The following CNTN5 variants were observed in gnomAD, a reference collection of about 807,000 sequenced individuals.
CNTN5 encodes the protein contactin 5, also known as contactin-5.
A neutral mutation model predicts 129.1 loss-of-function variants in CNTN5; 77 were observed. The ratio of observed to expected loss-of-function variants is 0.60; its 90% CI spans 0.50 to 0.72. The LOEUF (loss-of-function observed/expected upper bound fraction) is 0.72. Among genes scored for constraint, CNTN5 ranks in the 30% least tolerant of loss-of-function variants. CNTN5 has a pLI of 0.00. For missense variants in CNTN5, 1,478 were observed against 1,328.8 expected, an observed-to-expected ratio of 1.11 and a Z score of -1.75; for synonymous variants, 509 against 465.6, an observed-to-expected ratio of 1.09 and a Z score of -1.20.
chr11:99,167,992 G>C (rs562811553), intron 1 of CNTN5, among the ~76,000 whole-genome samples: 28 of 151,450 alleles, frequency 1.8e-4, no homozygotes, highest in African/African-American at 6.6e-4. Flanking sequence ...CTGGAGTGCA[G>C]TGATGTGATC....
intron 3 of CNTN5, among the ~76,000 whole-genome samples, chr11:99,645,487 GA>G (rs1452370747): frequency 1.3e-5 from 2 of 151,526 alleles, no homozygotes; most frequent in Non-Finnish European, 3.0e-5. Context: ...CTACTATAAA[GA>G]CATATGTACA....
chr11:99,495,088 T>A (rs367909744), intron 2 of CNTN5, among the ~76,000 whole-genome samples: 1 of 152,112 alleles, frequency 6.6e-6, no homozygotes, highest in Non-Finnish European at 1.5e-5. Flanking sequence ...AAATCACCCC[T>A]GCTGGGCGTG....
intron 3 of CNTN5, among the ~76,000 whole-genome samples, chr11:99,817,271 C>CT (rs1946618127): frequency 6.6e-6 from 1 of 152,138 alleles, no homozygotes; most frequent in African/African-American, 2.4e-5. Context: ...AACAGCTTTG[C>CT]GTTCACATTA....
chr11:100,320,491 T>C (rs1312862519), intron 21 of CNTN5, among the ~76,000 whole-genome samples: 1 of 152,092 alleles, frequency 6.6e-6, no homozygotes, highest in Non-Finnish European at 1.5e-5. Flanking sequence ...TTCTGTAGGA[T>C]TTTTTTTCAC....
chr11:99,554,784 G>A (rs549981181), intron 2 of CNTN5, among the ~76,000 whole-genome samples: 2 of 152,146 alleles, frequency 1.3e-5, no homozygotes, highest in Non-Finnish European at 2.9e-5. Flanking sequence ...TATTATGTGT[G>A]ATATGTGGAT....
At chr11:99,975,311 C>T (rs980030200) in intron 8 of CNTN5, among the ~76,000 whole-genome samples, 1 of 152,116 alleles carries the variant, frequency 6.6e-6, no homozygotes, top group African/African-American at 2.4e-5. Context: ...GACTGCCTGG[C>T]TCGTTTTCGG....
At chr11:100,053,044 G>A (rs930205775) in intron 9 of CNTN5, among the ~76,000 whole-genome samples, 2 of 151,560 alleles carry the variant, frequency 1.3e-5, no homozygotes, top group Non-Finnish European at 3.0e-5. Context: ...ACCATAAACA[G>A]CAAATAAACT....
chr11:100,075,326 G>T (rs1338437511), intron 13 of CNTN5, among the ~76,000 whole-genome samples: 1 of 152,086 alleles, frequency 6.6e-6, no homozygotes, highest in East Asian at 1.9e-4. Flanking sequence ...CTTGGAAAGG[G>T]TGATCACCTG....
chr11:100,344,811 G>A (rs1952243762), intron 23 of CNTN5, among the ~76,000 whole-genome samples: 1 of 151,796 alleles, frequency 6.6e-6, no homozygotes, highest in Non-Finnish European at 1.5e-5. Flanking sequence ...TGATATAAAG[G>A]AATAATACAT....
intron 1 of CNTN5, among the ~76,000 whole-genome samples, chr11:99,303,070 A>T (rs771391448): frequency 6.6e-6 from 1 of 151,822 alleles, no homozygotes; most frequent in Non-Finnish European, 1.5e-5. Context: ...ATAAATAACT[A>T]GTCATTATTC....
At chr11:99,672,926 T>G (rs895560573) in intron 3 of CNTN5, among the ~76,000 whole-genome samples, 1 of 152,008 alleles carries the variant, frequency 6.6e-6, no homozygotes, top group Non-Finnish European at 1.5e-5. Context: ...TTGTAGTCTT[T>G]CATAGGTACC....
chr11:100,290,994 A>G (rs1216441244), intron 18 of CNTN5, among the ~76,000 whole-genome samples: 2 of 150,732 alleles, frequency 1.3e-5, no homozygotes, highest in African/African-American at 2.4e-5. Flanking sequence ...GCAGCCAAAA[A>G]ACACATGAAA....
chr11:100,030,833 A>G (rs574218467), intron 9 of CNTN5, among the ~76,000 whole-genome samples: 1 of 152,342 alleles, frequency 6.6e-6, no homozygotes, highest in Non-Finnish European at 1.5e-5. Flanking sequence ...TTAAAGCTCA[A>G]TGTTAAAGCT....
At chr11:100,033,912 C>A (rs1233517911) in intron 9 of CNTN5, among the ~76,000 whole-genome samples, 1 of 152,158 alleles carries the variant, frequency 6.6e-6, no homozygotes, top group Admixed American at 6.5e-5. Flanking sequence ...AACTTCAGAT[C>A]TATAAACTTC....
chr11:99,941,540 A>T (rs535166058), intron 7 of CNTN5, among the ~76,000 whole-genome samples: 14 of 133,416 alleles, frequency 1.0e-4, no homozygotes, highest in Non-Finnish European at 1.7e-4. Flanking sequence ...GCCACGCAAG[A>T]GATAAGTAAT....
chr11:99,887,542 A>G (rs1369862395), intron 6 of CNTN5, among the ~76,000 whole-genome samples: 3 of 151,598 alleles, frequency 2.0e-5, no homozygotes, highest in African/African-American at 4.9e-5. Flanking sequence ...GTATTGACTC[A>G]CACAATCACA....
intron 15 of CNTN5, among the ~76,000 whole-genome samples, chr11:100,214,708 C>G (rs185892192): frequency 6.6e-6 from 1 of 152,118 alleles, no homozygotes. Flanking sequence ...CACCTAACCC[C>G]GAAGCCAACG....
At chr11:100,251,345 T>C (rs546347717) in intron 16 of CNTN5, among the ~76,000 whole-genome samples, 25 of 152,284 alleles carry the variant, frequency 1.6e-4, no homozygotes, top group Admixed American at 7.2e-4. Flanking sequence ...ATAGTGATGC[T>C]TTGGTACATA....
intron 1 of CNTN5, among the ~76,000 whole-genome samples, chr11:99,032,620 T>G (rs1863454580): frequency 1.3e-5 from 2 of 152,118 alleles, no homozygotes; most frequent in South Asian, 4.1e-4. Context: ...GGTTGTTTGT[T>G]TTTTTCTTGT....
Sources: gnomAD v4.1 joint callset for allele counts (sites outside exome capture counted in the v4.1 genomes callset) on GRCh38, gnomAD v4.1.1 for gene constraint, MANE v1.5 for transcripts, NCBI Gene and HGNC (gene_info 2026-07-23, HGNC 2026-07-21) for gene names.